HMCN2: variants seen among roughly 807,000 people sequenced by gnomAD.
HMCN2 encodes hemicentin 2.
In HMCN2, 325 loss-of-function variants were observed where a neutral mutation model predicts 377.5. The observed-to-expected ratio is 0.86, with a 90% CI of 0.79 to 0.94. The LOEUF (loss-of-function observed/expected upper bound fraction) is 0.94. Ranked by LOEUF, HMCN2 falls within the 40% of genes least tolerant of loss-of-function variation. The pLI is 0.00. For synonymous variants in HMCN2, 2,007 were observed against 2,046.8 expected (o/e 0.98, Z 0.53); for missense variants, 4,543 against 4,725.3 (o/e 0.96, Z 1.13).
At chr9:130,386,308 T>G in intron 60 of HMCN2, 135 bp from the exon 61 acceptor site, 1 of 369,830 alleles carries the variant, frequency 2.7e-6, no homozygotes, top group Non-Finnish European at 5.0e-6. Flanking sequence ...TGATTCCCTT[T>G]GGCTCCCCAG....
intron 24 of HMCN2, among the ~76,000 whole-genome samples, chr9:130,342,007 C>T (rs953580076): frequency 2.3e-5 from 2 of 88,860 alleles, no homozygotes; most frequent in African/African-American, 7.7e-5. Context: ...GAAACCCCAT[C>T]TCTTAAAATA....
chr9:130,290,898 C>T, intron 4 of HMCN2, among the ~76,000 whole-genome samples: 1 of 149,866 alleles, frequency 6.7e-6, no homozygotes, highest in East Asian at 2.0e-4. Context: ...CCAAAAACCT[C>T]ATTTTCCAAT....
At chr9:130,316,905 T>G (rs1837591257) in intron 15 of HMCN2, among the ~76,000 whole-genome samples, 1 of 151,974 alleles carries the variant, frequency 6.6e-6, no homozygotes, top group African/African-American at 2.4e-5. Context: ...ACATGTACAA[T>G]GAGGGGCAGA....
chr9:130,390,421 G>T (rs1405734535), intron 62 of HMCN2, among the ~76,000 whole-genome samples: 1 of 152,240 alleles, frequency 6.6e-6, no homozygotes, highest in Non-Finnish European at 1.5e-5. Flanking sequence ...ACATGGGGCA[G>T]TTGCTCGTGT....
chr9:130,287,922 A>G (rs555137472), intron 4 of HMCN2, among the ~76,000 whole-genome samples: 7 of 152,264 alleles, frequency 4.6e-5, no homozygotes, highest in Middle Eastern at 3.4e-3. Context: ...GCAGAGAGCT[A>G]TCTCCAGGAG....
intron 34 of HMCN2, among the ~76,000 whole-genome samples, chr9:130,357,337 A>G (rs1174588611): frequency 2.8e-5 from 3 of 105,832 alleles, no homozygotes; most frequent in East Asian, 3.3e-4. Context: ...TGGATGGATG[A>G]GTGGATGAAT....
intron 21 of HMCN2, among the ~76,000 whole-genome samples, chr9:130,326,191 C>T (rs1050968284): frequency 6.6e-6 from 1 of 152,180 alleles, no homozygotes. Context: ...AATGGTCCAA[C>T]CTGCCTCAGG....
At chr9:130,297,862 C>G (rs917073451) in intron 7 of HMCN2, among the ~76,000 whole-genome samples, 3 of 152,124 alleles carry the variant, frequency 2.0e-5, no homozygotes, top group African/African-American at 7.2e-5. Flanking sequence ...AGTGATGGCG[C>G]GGGGACTGAA....
chr9:130,283,572 C>T (rs1196275648), intron 1 of HMCN2, among the ~76,000 whole-genome samples: 1 of 152,224 alleles, frequency 6.6e-6, no homozygotes, highest in Admixed American at 6.5e-5. Flanking sequence ...ATGTTTCTGT[C>T]TCAGACAGTT....
intron 85 of HMCN2, among the ~76,000 whole-genome samples, chr9:130,415,531 G>T (rs922611763): frequency 6.6e-6 from 1 of 152,140 alleles, no homozygotes; most frequent in African/African-American, 2.4e-5. Context: ...GTAGAGATGG[G>T]GTCTTGCTAT....
In HMCN2 at chr9:130,394,652, G is replaced by A. The variant is rs1842512590; in HGVS notation, c.10692+77G>A. 8 of 1,142,806 alleles carry A rather than the reference G, an allele frequency of 7.0e-6. No individual in the cohort carries two copies. The highest frequency in any genetic ancestry group is 7.9e-6 in the Non-Finnish European group (7 of 885,874). The allele number at this position is 1,142,806 out of a possible 1,614,324, so 70.8% of individuals were successfully genotyped here. ...GGACTGCAGGTTCCCCAGACCCAGT[G>A]GGCAGTTGACAAAGTTGGGCTGAAG... On this transcript the variant is annotated intron_variant, in intron 69 of 97. Transcript: ENST00000683500. This position sits in a 1 kb window ranked among gnomAD's most constrained non-coding sequence, Gnocchi z 5.1.
At chr9:130,429,529 C>T in intron 93 of HMCN2, 28 bp from the exon 94 acceptor site, 8 of 1,549,890 alleles carry the variant, frequency 5.2e-6, no homozygotes, top group Non-Finnish European at 7.0e-6. Context: ...TAGACCTCCC[C>T]ACCACCGACC....
At chr9:130,309,487 C>T (rs1434926325) in intron 14 of HMCN2, among the ~76,000 whole-genome samples, 1 of 138,546 alleles carries the variant, frequency 7.2e-6, no homozygotes, top group African/African-American at 2.8e-5. Context: ...AGCACTCCAG[C>T]CTAGGCAACA....
At chr9:130,280,733 A>G (rs1835067162) in intron 1 of HMCN2, among the ~76,000 whole-genome samples, 1 of 152,202 alleles carries the variant, frequency 6.6e-6, no homozygotes, top group African/African-American at 2.4e-5. Flanking sequence ...TGTAAGATGT[A>G]TTTATACATT....
rs1840457646 is a variant in HMCN2 at position 130,362,862 on chromosome 9, C to T, written c.6109-5C>T. The T allele has an allele frequency of 4.1e-6, 4 of 985,794 alleles. No homozygotes were observed. In the South Asian group the frequency reaches 1.4e-4, roughly 35 times the overall value. The allele number at this position is 985,794 out of a possible 1,614,324, so 61.1% of individuals were successfully genotyped here. A position where few individuals can be genotyped will look rare whatever the true frequency, so the allele number is the denominator to read the frequency against. On this transcript the variant is annotated splice_region_variant and splice_polypyrimidine_tract_variant and intron_variant, in intron 39 of 97. Coordinates refer to ENST00000683500, the MANE Select transcript of HMCN2 (RefSeq NM_001291815.2). ...CCTAATTTGGGCTTCCCCCTGGGGT[C>T]ACAGGTCTTCCCTGGGGGCCGGGTC...
chr9:130,343,289 T>C (rs1183348542), intron 25 of HMCN2, among the ~76,000 whole-genome samples: 2 of 152,172 alleles, frequency 1.3e-5, no homozygotes, highest in Non-Finnish European at 2.9e-5. Flanking sequence ...GAGGGTGCTG[T>C]CTGGTGTCTG....
rs116990172 is a variant in HMCN2, at chr9:130,402,541, C to T, written c.11771-248C>T. Among the ~76,000 whole-genome samples, 358 of 152,332 alleles carry T rather than the reference C, an allele frequency of 2.4e-3. 12 individuals are homozygous for T. The East Asian group carries it at 0.056, about 24-fold the overall frequency. ...CTAGAGACCATCTTGTCTGATTCTT[C>T]ATTGTGCACATGGGGAAACTGAGGT... On this transcript the variant is annotated intron_variant, in intron 77 of 97. Coordinates refer to ENST00000683500, the MANE Select transcript of HMCN2 (RefSeq NM_001291815.2).
chr9:130,319,267 C>T (rs1837723512), intron 15 of HMCN2, among the ~76,000 whole-genome samples: 1 of 152,172 alleles, frequency 6.6e-6, no homozygotes, highest in South Asian at 2.1e-4. Context: ...AGCCAGGCCC[C>T]TGAGACCCCA....
At chr9:130,275,145 T>C (rs1181883818) in intron 1 of HMCN2, among the ~76,000 whole-genome samples, 1 of 151,950 alleles carries the variant, frequency 6.6e-6, no homozygotes, top group East Asian at 1.9e-4. Context: ...TCCTTGTTTT[T>C]TTGCTAGTTT....
Sources: allele counts gnomAD v4.1 joint callset (sites outside exome capture counted in the v4.1 genomes callset), GRCh38; gene constraint gnomAD v4.1.1; non-coding constraint Gnocchi (gnomAD v3.1); transcripts MANE v1.5; gene names NCBI Gene and HGNC (gene_info 2026-07-23, HGNC 2026-07-21).